The following FTCD variants were observed in gnomAD, a reference collection of about 807,000 sequenced individuals.
FTCD encodes formimidoyltransferase-cyclodeaminase.
A neutral mutation model predicts 62.9 loss-of-function variants in FTCD; 76 were observed. That is an observed-to-expected ratio of 1.21 (90% confidence interval 1.00 to 1.46). FTCD has a LOEUF of 1.46. Among genes scored for constraint, FTCD ranks in the 40% most tolerant of loss-of-function variants. The pLI is 0.00. For missense variants in FTCD, 845 were observed against 751.3 expected (o/e 1.12, Z -1.46); for synonymous variants, 397 against 336.9 (o/e 1.18, Z -1.95).
In FTCD at chr21:46,151,957, T is replaced by G. The variant is rs767841952; in HGVS notation, c.391A>C (p.Arg131=). 11 of 1,569,482 alleles carry G rather than the reference T, an allele frequency of 7.0e-6. No individual in the cohort carries two copies. Among genetic ancestry groups the G allele is most frequent in the Non-Finnish European group, 9.5e-6 (11 of 1,157,846 alleles). The part of the protein sequence containing the change: ...VPVYLYGEAA[R]MDSRRTLPAI... Reference sequence around the variant, plus strand: ...GGCAGGGTCCGGCGACTGTCCATCCTGGCTGCCTCGCCGTACAGGTAAACT... The same window carrying G: ...GGCAGGGTCCGGCGACTGTCCATCCGGGCTGCCTCGCCGTACAGGTAAACT... Residue 131 remains arginine, a synonymous_variant, in exon 4 of 14, where the codon AGG becomes CGG. Transcript: ENST00000397746.
intron 1 of FTCD, among the ~76,000 whole-genome samples, chr21:46,154,691 G>A (rs528484921): frequency 3.9e-5 from 6 of 152,350 alleles, no homozygotes; most frequent in East Asian, 3.9e-4. Flanking sequence ...CCCCACCCCC[G>A]AGCAGGGGAG....
chr21:46,150,360 C>A (rs1483069637), intron 6 of FTCD, 28 bp downstream of exon 6: 1 of 1,611,780 alleles, frequency 6.2e-7, no homozygotes. Flanking sequence ...TCGCCCCTCA[C>A]AGCAGCAGCG....
intron 1 of FTCD, among the ~76,000 whole-genome samples, chr21:46,155,148 C>G (rs561026035): frequency 6.6e-6 from 1 of 152,314 alleles, no homozygotes; most frequent in Non-Finnish European, 1.5e-5. Context: ...GTGGCAGGAG[C>G]CCCATTTTCA....
In FTCD at chr21:46,151,945, G is replaced by A. The variant is rs28941768; in HGVS notation, c.403C>T (p.Arg135Cys). The A allele has an allele frequency of 4.2e-5, 66 of 1,572,582 alleles. No homozygotes were observed. The highest frequency in any genetic ancestry group is 6.7e-5 in the African/African-American group (5 of 74,122). Residue 135 changes from arginine to cysteine, a missense_variant, in exon 4 of 14, where the codon CGC becomes TGC. By Grantham distance (180) the Arg-to-Cys change is radical. Coordinates refer to ENST00000397746, the MANE Select transcript of FTCD (RefSeq NM_206965.2). The stretch of plus-strand genomic sequence containing the variant: ...GCCCGGATGGCCGGCAGGGTCCGGC[G>A]ACTGTCCATCCTGGCTGCCTCGCCG... ...LYGEAARMDSRRTLPAIRAGE... is the reference protein window; with the variant it reads ...LYGEAARMDSCRTLPAIRAGE...
rs918749975 is a variant in FTCD at position 46,137,644 on chromosome 21, G to A, written c.1444-310C>T. 1.4e-4 allele frequency among the ~76,000 whole-genome samples: 22 copies of A among 152,268 alleles called. No homozygotes were observed. In the South Asian group the frequency reaches 2.1e-3, roughly 14 times the overall value. On this transcript the variant is annotated intron_variant, in intron 12 of 13. Coordinates refer to ENST00000397746, the MANE Select transcript of FTCD (RefSeq NM_206965.2). ...CAAAGTCATCCCCTGGAGGGCCCCC[G>A]GAGGCAGCTTCAGGCTAACGGCCCG...
intron 13 of FTCD, 69 bp downstream of exon 13, chr21:46,137,170 C>G (rs566881899): frequency 5.0e-6 from 8 of 1,584,774 alleles, no homozygotes; most frequent in Middle Eastern, 1.7e-4. Flanking sequence ...AGCCAGTCGG[C>G]AATCACCCTG....
In FTCD at chr21:46,138,492, C is replaced by T. The variant is rs774886583; in HGVS notation, c.1443+16G>A. The T allele has an allele frequency of 5.1e-6, 8 of 1,575,638 alleles. No individual in the cohort carries two copies. In the East Asian group the frequency reaches 1.6e-4, roughly 31 times the overall value. The stretch of plus-strand genomic sequence containing the variant: ...GCTTTGCGGCAGGAGGCCTGGGGTC[C>T]CCCGGGCCCCCCTACCTGGAGGTCT... On this transcript the variant is annotated intron_variant, in intron 12 of 13. Transcript: ENST00000397746.
At chr21:46,138,788 C>T (rs2078929348) in intron 11 of FTCD, 92 bp downstream of exon 11, 2 of 1,424,094 alleles carry the variant, frequency 1.4e-6, no homozygotes, top group African/African-American at 1.4e-5. Flanking sequence ...CCAGGCCAAC[C>T]ACGCCCCGTC....
chr21:46,144,751 C>G (rs9978647), intron 10 of FTCD, among the ~76,000 whole-genome samples: 2,972 of 124,146 alleles, frequency 0.024, 136 homozygotes, highest in African/African-American at 0.088. Flanking sequence ...TCTCTCTTTT[C>G]TGCCCTTCCC....
At chr21:46,136,558 T>C, downstream of FTCD, 2 of 1,588,960 alleles carry the variant, frequency 1.3e-6, no homozygotes, top group South Asian at 1.1e-5. Flanking sequence ...CCCAGGGACC[T>C]GCACTGAACC....
chr21:46,137,392 A>G (rs1164300287), intron 12 of FTCD, 58 bp from the exon 13 acceptor site: 3 of 1,308,804 alleles, frequency 2.3e-6, no homozygotes, highest in East Asian at 4.6e-5. Flanking sequence ...TGCCGGAAGG[A>G]GGGTCTCTGC....
chr21:46,136,471 A>T (rs1601283888), downstream of FTCD: 11 of 1,612,514 alleles, frequency 6.8e-6, no homozygotes, highest in East Asian at 2.5e-4. Context: ...TCCAGCGTCG[A>T]AGGTCCTGCT....
chr21:46,137,268 C>T lies in FTCD; in HGVS notation c.1510G>A (p.Asp504Asn), dbSNP rs748800237. Residue 504 changes from aspartate (D) to asparagine (N), a missense_variant, in exon 13 of 14, where the codon GAC becomes AAC. Coordinates refer to ENST00000397746, the MANE Select transcript of FTCD (RefSeq NM_206965.2). ...AYFNVLINLR[D>N]ITDEAFKDQI... is the part of the protein sequence containing the mutation. ...TCCTTAAATGCCTCGTCTGTGATGT[C>T]CCTCAGGTTGATGAGCACGTTGAAA... is the stretch of plus-strand genomic sequence containing the variant. 6.2e-7 allele frequency: 1 copy of T among 1,613,770 alleles called. No homozygotes were observed. Among genetic ancestry groups the T allele is most frequent in the African/African-American group, 1.3e-5 (1 of 75,050 alleles).
downstream of FTCD, chr21:46,136,266 T>G (rs760188429): frequency 1.7e-5 from 10 of 592,136 alleles, no homozygotes; most frequent in Admixed American, 3.0e-5. Flanking sequence ...GTATAGTGAT[T>G]TGCTAAATTA....
intron 2 of FTCD, 42 bp downstream of exon 2, chr21:46,154,107 A>G: frequency 1.3e-6 from 2 of 1,599,978 alleles, no homozygotes; most frequent in Non-Finnish European, 1.7e-6. Flanking sequence ...CGGCCCTGAC[A>G]TTCTGAGACA....
chr21:46,152,835 G>A lies in FTCD; in HGVS notation c.367+72C>T, dbSNP rs1326012268. On this transcript the variant is annotated intron_variant, in intron 3 of 13. Transcript: ENST00000397746. ...AGCAGTCAAGGGCAGGGAACTGGGG[G>A]ATACAGAAGGAGCCAATAACCCACA... is the stretch of plus-strand genomic sequence containing the variant. 1.2e-5 allele frequency: 15 copies of A among 1,281,716 alleles called. 1 individual carries two copies. The highest frequency in any genetic ancestry group is 6.9e-5 in the Admixed American group (3 of 43,708). The allele number at this position is 1,281,716 out of a possible 1,614,324, so 79.4% of individuals were successfully genotyped here. A position where few individuals can be genotyped will look rare whatever the true frequency, so the allele number is the denominator to read the frequency against.
intron 10 of FTCD, chr21:46,142,628 G>T (rs1026665351): frequency 2.6e-5 from 4 of 152,286 alleles, no homozygotes; most frequent in African/African-American, 9.6e-5. Context: ...AAGGCCCAAA[G>T]AGTAAGCAGC....
Position 46,150,530 on chromosome 21 carries a change from A to G in FTCD, c.637-5T>C. 1 of 1,613,140 alleles carries G rather than the reference A, an allele frequency of 6.2e-7. No individual in the cohort carries two copies. Among genetic ancestry groups the G allele is most frequent in the Non-Finnish European group, 8.5e-7 (1 of 1,179,972 alleles). On this transcript the variant is annotated splice_region_variant and splice_polypyrimidine_tract_variant and intron_variant, in intron 5 of 13. Coordinates refer to ENST00000397746, the MANE Select transcript of FTCD (RefSeq NM_206965.2). ...AACTTTCTTCAGACGTCCTGGCTGC[A>G]AAGGAAGAGCGTTCCCCAGCCTGGA...
At position 46,150,230 on chromosome 21, in the gene FTCD, C is replaced by T. The variant is rs1161672625; in HGVS notation, c.795G>A (p.Val265=). The change falls in exon 7 of 14, where the codon GTG becomes GTA. Residue 265 remains valine (V), a synonymous_variant. Coordinates refer to ENST00000397746, the MANE Select transcript of FTCD (RefSeq NM_206965.2). ...REAQELSLPV[V]GSQLVGLVPL... ...GCACCAGGCCCACCAGCTGTGAGCC[C>T]ACCACTGGGAGGCTCAGCTCCTGCC... 1.5e-5 allele frequency: 24 copies of T among 1,609,532 alleles called. No homozygotes were observed. The highest frequency in any genetic ancestry group is 1.1e-5 in the South Asian group (1 of 90,436).
Sources: gnomAD v4.1 joint callset for allele counts (sites outside exome capture counted in the v4.1 genomes callset) on GRCh38, gnomAD v4.1.1 for gene constraint, MANE v1.5 for transcripts, NCBI Gene and HGNC (gene_info 2026-07-23, HGNC 2026-07-21) for gene names.